Variants in ZNF827 observed in about 807,000 individuals in gnomAD.
The protein encoded by ZNF827 is zinc finger protein 827.
In ZNF827, 13 loss-of-function variants were observed where a neutral mutation model predicts 102.4. The observed-to-expected ratio is 0.13, with a 90% CI of 0.08 to 0.20. ZNF827 has a LOEUF of 0.20. ZNF827 is among the 10% of genes least tolerant of loss of function. The probability of loss-of-function intolerance (pLI) is 1.00; values close to 1 mark genes in which losing one functional copy is unlikely to be tolerated. For synonymous variants in ZNF827, 523 were observed against 536.2 expected (o/e 0.98, Z 0.34); for missense variants, 1,103 against 1,344.4 (o/e 0.82, Z 2.81).
intron 8 of ZNF827, among the ~76,000 whole-genome samples, chr4:145,817,437 A>T (rs1212531402): frequency 1.3e-5 from 2 of 152,210 alleles, no homozygotes; most frequent in Non-Finnish European, 2.9e-5. Context: ...CGAAGAAAAG[A>T]GGTTAGTTGA....
chr4:145,770,489 T>C (rs1376219023), intron 11 of ZNF827, among the ~76,000 whole-genome samples: 4 of 151,766 alleles, frequency 2.6e-5, no homozygotes, highest in Non-Finnish European at 5.9e-5. Flanking sequence ...CATATGGTGG[T>C]TGTGATACTT....
At chr4:145,819,357 G>T (rs1207503470) in intron 8 of ZNF827, among the ~76,000 whole-genome samples, 6 of 152,148 alleles carry the variant, frequency 3.9e-5, no homozygotes, top group African/African-American at 9.7e-5. Context: ...TAATAACACA[G>T]AATGGAAGCT....
At chr4:145,782,884 C>A (rs1337515586) in intron 8 of ZNF827, among the ~76,000 whole-genome samples, 1 of 152,228 alleles carries the variant, frequency 6.6e-6, no homozygotes, top group Non-Finnish European at 1.5e-5. Flanking sequence ...CTCCCCGCAA[C>A]TACTTCTGTA....
chr4:145,796,623 CTTTTTTTTTTT>C lies in ZNF827; in HGVS notation c.2384-17123_2384-17113del, dbSNP rs34553120. ...TACATAAATTATATCATTTGTTCCT[CTTTTTTTTTTT>C]TTTTTTTTTTTGAGACAGGGGTTTT... On this transcript the variant is annotated intron_variant, in intron 8 of 14. Coordinates refer to ENST00000508784, the MANE Select transcript of ZNF827 (RefSeq NM_001306215.2). Among the ~76,000 whole-genome samples the C allele has an allele frequency of 9.4e-3, 1,068 of 113,960 alleles. 4 individuals carry two copies. Among genetic ancestry groups the C allele is most frequent in the Admixed American group, 0.015 (156 of 10,624 alleles). 74.8% of individuals were successfully genotyped at this position (113,960 alleles called of 152,430 possible).
At chr4:145,779,742 T>A (rs1737680410) in intron 8 of ZNF827, among the ~76,000 whole-genome samples, 1 of 152,242 alleles carries the variant, frequency 6.6e-6, no homozygotes, top group African/African-American at 2.4e-5. Flanking sequence ...GTATTTTCTC[T>A]CTTTCTTCAC....
chr4:145,760,918 A>T lies in ZNF827; in HGVS notation c.*698T>A. On this transcript the variant is annotated 3_prime_UTR_variant, in exon 15 of 15. Coordinates refer to ENST00000508784, the MANE Select transcript of ZNF827 (RefSeq NM_001306215.2). Reference sequence around the variant, plus strand: ...GTGGTTCTTGGGGTATAACATTGTCAAGGGAATGAGATGGGCAAAATCTGA... The same window carrying T: ...GTGGTTCTTGGGGTATAACATTGTCTAGGGAATGAGATGGGCAAAATCTGA... The T allele has an allele frequency of 8.1e-7, 1 of 1,233,980 alleles. No homozygotes were observed. The highest frequency in any genetic ancestry group is 1.0e-6 in the Non-Finnish European group (1 of 963,246). 76.4% of individuals were successfully genotyped at this position (1,233,980 alleles called of 1,614,324 possible).
chr4:145,791,840 CA>C (rs1739747610), intron 8 of ZNF827, among the ~76,000 whole-genome samples: 1 of 152,140 alleles, frequency 6.6e-6, no homozygotes, highest in Non-Finnish European at 1.5e-5. Context: ...ATAGATGAGA[CA>C]AATCAAGGCA....
At chr4:145,903,803 C>T (rs1249110892) in intron 1 of ZNF827, among the ~76,000 whole-genome samples, 1 of 152,194 alleles carries the variant, frequency 6.6e-6, no homozygotes, top group Non-Finnish European at 1.5e-5. Flanking sequence ...TGTTATAAAG[C>T]TTATATCATA....
At chr4:145,853,454 C>A (rs1382357420) in intron 5 of ZNF827, among the ~76,000 whole-genome samples, 1 of 152,048 alleles carries the variant, frequency 6.6e-6, no homozygotes. Context: ...TGGTGGTGTG[C>A]CTATAGTCTC....
At chr4:145,903,280 C>A in intron 1 of ZNF827, 65 bp from the exon 2 acceptor site, 1 of 1,519,190 alleles carries the variant, frequency 6.6e-7, no homozygotes. Context: ...TCAAGACATT[C>A]AAATGGAGGT....
At chr4:145,938,127 G>C (rs1432103821) in intron 1 of ZNF827, among the ~76,000 whole-genome samples, 1 of 151,822 alleles carries the variant, frequency 6.6e-6, no homozygotes, top group Non-Finnish European at 1.5e-5. Flanking sequence ...AAAAAAGGGG[G>C]GGGGTGAGAG....
intron 4 of ZNF827, among the ~76,000 whole-genome samples, chr4:145,873,005 G>A (rs1291513052): frequency 4.4e-5 from 6 of 136,796 alleles, no homozygotes; most frequent in Middle Eastern, 3.9e-3. Context: ...GCACAATCTC[G>A]GCTCACCACA....
intron 8 of ZNF827, among the ~76,000 whole-genome samples, chr4:145,806,554 T>A (rs1222016360): frequency 8.6e-5 from 13 of 151,958 alleles, no homozygotes; most frequent in South Asian, 2.1e-4. Context: ...ATCTTTTTTT[T>A]AATTTAATCC....
At chr4:145,795,562 T>C (rs1740298123) in intron 8 of ZNF827, among the ~76,000 whole-genome samples, 1 of 152,232 alleles carries the variant, frequency 6.6e-6, no homozygotes, top group Non-Finnish European at 1.5e-5. Flanking sequence ...CATAATCTAA[T>C]ATCCCAAAAC....
chr4:145,769,656 TGG>T (rs1735944053), intron 11 of ZNF827, among the ~76,000 whole-genome samples: 1 of 152,154 alleles, frequency 6.6e-6, no homozygotes, highest in South Asian at 2.1e-4. Context: ...GCTATGTCTG[TGG>T]AAAGAGCCAG....
chr4:145,785,027 T>C (rs905587857), intron 8 of ZNF827, among the ~76,000 whole-genome samples: 1 of 152,246 alleles, frequency 6.6e-6, no homozygotes, highest in South Asian at 2.1e-4. Context: ...GATGTTTGCC[T>C]TGAATGTCAT....
rs767108186 is a variant in ZNF827, at chr4:145,774,478, T to C, written c.2860+28A>G. ...TGGGGTGCAGGGGATGGAGAAGGAG[T>C]GTGAGAAGGACAGACAGGAATGGTC... On this transcript the variant is annotated intron_variant, in intron 11 of 14. Transcript: ENST00000508784. The C allele has an allele frequency of 4.4e-6, 7 of 1,593,940 alleles. No individual in the cohort carries two copies. The South Asian group carries it at 7.9e-5, about 18-fold the overall frequency.
intron 4 of ZNF827, 43 bp downstream of exon 4, chr4:145,885,632 GAGA>G: frequency 6.7e-7 from 1 of 1,500,450 alleles, no homozygotes; most frequent in Non-Finnish European, 8.9e-7. Flanking sequence ...GAGAGAGAGA[GAGA>G]GAGAGAGAGA....
At chr4:145,924,468 A>G (rs972610038) in intron 1 of ZNF827, among the ~76,000 whole-genome samples, 4 of 152,176 alleles carry the variant, frequency 2.6e-5, no homozygotes, top group Non-Finnish European at 5.9e-5. Context: ...CTTGCTGATT[A>G]TTGAGGAACC....
Sources: gnomAD v4.1 joint callset for allele counts (sites outside exome capture counted in the v4.1 genomes callset) on GRCh38, gnomAD v4.1.1 for gene constraint, MANE v1.5 for transcripts, NCBI Gene and HGNC (gene_info 2026-07-23, HGNC 2026-07-21) for gene names.